The following AUTS2 variants were observed in gnomAD, a reference collection of about 807,000 sequenced individuals.
AUTS2 encodes autism susceptibility gene 2 protein.
In AUTS2, 17 loss-of-function variants were observed where a neutral mutation model predicts 112.4. The observed-to-expected ratio is 0.15, with a 90% CI of 0.10 to 0.23. The LOEUF is 0.23. AUTS2 is among the 10% of genes least tolerant of loss of function. The probability of loss-of-function intolerance (pLI) is 1.00; values close to 1 mark genes in which losing one functional copy is unlikely to be tolerated. For synonymous variants in AUTS2, 751 were observed against 702.7 expected (o/e 1.07, Z -1.09); for missense variants, 1,510 against 1,701.6 (o/e 0.89, Z 1.98).
intron 6 of AUTS2, among the ~76,000 whole-genome samples, chr7:70,706,883 T>C (rs1223754434): frequency 1.3e-5 from 2 of 152,230 alleles, no homozygotes; most frequent in Non-Finnish European, 2.9e-5. Flanking sequence ...TGCAAAGTAG[T>C]ATGCGTTGTC....
intron 4 of AUTS2, among the ~76,000 whole-genome samples, chr7:70,398,822 A>G (rs1794198626): frequency 6.6e-6 from 1 of 152,116 alleles, no homozygotes; most frequent in Non-Finnish European, 1.5e-5. Context: ...CACCATAAGT[A>G]TGATGTTTCC....
chr7:70,003,199 A>T (rs1220271893), intron 2 of AUTS2, among the ~76,000 whole-genome samples: 1 of 135,432 alleles, frequency 7.4e-6, no homozygotes, highest in Non-Finnish European at 1.5e-5. Context: ...ATATGAATAT[A>T]TTATATATGA....
rs150262306 is a variant in AUTS2, at chr7:69,966,712, C to T, written c.522+67214C>T. On this transcript the variant is annotated intron_variant, in intron 2 of 18. Coordinates refer to ENST00000342771, the MANE Select transcript of AUTS2 (RefSeq NM_015570.4). Reference sequence around the variant, plus strand: ...TGAGCGTGGCAGTGCCTGGGTGTCTCACATCCATGTATGCTCAAACCATGC... The same window carrying T: ...TGAGCGTGGCAGTGCCTGGGTGTCTTACATCCATGTATGCTCAAACCATGC... 5.9e-5 allele frequency among the ~76,000 whole-genome samples: 9 copies of T among 152,254 alleles called. No homozygotes were observed. The East Asian group carries it at 1.7e-3, about 29-fold the overall frequency.
intron 1 of AUTS2, among the ~76,000 whole-genome samples, chr7:69,870,657 C>G (rs780194371): frequency 1.3e-5 from 2 of 151,764 alleles, no homozygotes; most frequent in Admixed American, 6.6e-5. Context: ...CTTTACTACA[C>G]GACAGGTTAA....
chr7:69,618,628 G>A (rs953820246), intron 1 of AUTS2, among the ~76,000 whole-genome samples: 5 of 152,118 alleles, frequency 3.3e-5, no homozygotes, highest in Non-Finnish European at 5.9e-5. Flanking sequence ...TTGAGGACCA[G>A]TACACTATGT....
intron 2 of AUTS2, among the ~76,000 whole-genome samples, chr7:70,042,240 A>G (rs1193585076): frequency 6.8e-6 from 1 of 147,470 alleles, no homozygotes; most frequent in Non-Finnish European, 1.5e-5. Flanking sequence ...CTTGAACAGC[A>G]TTATTTCTTG....
At chr7:70,282,625 G>T (rs150837525) in intron 4 of AUTS2, among the ~76,000 whole-genome samples, 45 of 152,196 alleles carry the variant, frequency 3.0e-4, no homozygotes, top group African/African-American at 1.0e-3. Context: ...CCATCACCTT[G>T]GTAGTTAGGA....
At chr7:70,486,897 T>TCC (rs35760947) in intron 5 of AUTS2, among the ~76,000 whole-genome samples, 1,588 of 100,422 alleles carry the variant, frequency 0.016, 39 homozygotes, top group African/African-American at 0.042. Context: ...GTTTTTGTAT[T>TCC]CCCCCCCCCC....
intron 18 of AUTS2, among the ~76,000 whole-genome samples, chr7:70,788,437 A>C (rs1791660984): frequency 6.6e-6 from 1 of 152,220 alleles, no homozygotes; most frequent in Admixed American, 6.5e-5. Flanking sequence ...TCAAGGCAGT[A>C]TGATAACAAT....
intron 5 of AUTS2, among the ~76,000 whole-genome samples, chr7:70,514,946 C>T (rs946204537): frequency 6.6e-6 from 1 of 152,094 alleles, no homozygotes; most frequent in Admixed American, 6.5e-5. Flanking sequence ...AACATAATAT[C>T]CTTTGTCCAT....
rs372696006 is a variant in AUTS2 at position 70,444,373 on chromosome 7, T to TGTGTGTGTGTGAGAGA, written c.690+8593_690+8594insTGTGTGTGTGAGAGAG. Among the ~76,000 whole-genome samples the TGTGTGTGTGTGAGAGA allele has an allele frequency of 1.1e-4, 15 of 142,508 alleles. 1 individual carries two copies. The highest frequency in any genetic ancestry group is 3.5e-4 in the African/African-American group (13 of 37,224). 93.5% of individuals were successfully genotyped at this position (142,508 alleles called of 152,430 possible). A position where few individuals can be genotyped will look rare whatever the true frequency, so the allele number is the denominator to read the frequency against. ...GTGTGTGTGTGTGTGTGTGTGTGTG[T>TGTGTGTGTGTGAGAGA]GAGAGAGAGAGAGAGAGAGAAAGAG... is the stretch of plus-strand genomic sequence containing the variant. On this transcript the variant is annotated intron_variant, in intron 5 of 18. Transcript: ENST00000342771.
intron 1 of AUTS2, among the ~76,000 whole-genome samples, chr7:69,714,053 A>G (rs1798463151): frequency 1.3e-5 from 2 of 151,490 alleles, no homozygotes; most frequent in South Asian, 2.1e-4. Flanking sequence ...TAATTTTTGT[A>G]TATGGATTGA....
chr7:70,426,366 G>T (rs1795438445), intron 4 of AUTS2, among the ~76,000 whole-genome samples: 1 of 152,178 alleles, frequency 6.6e-6, no homozygotes, highest in African/African-American at 2.4e-5. Flanking sequence ...TCTAAACGAG[G>T]ACGGTTGCTC....
Position 69,997,847 on chromosome 7 carries a change from G to A in AUTS2, c.522+98349G>A, listed in dbSNP as rs75763755. ...TTGGAGAGGACAAAACATCCAAATC[G>A]TATTACCTGCAGGTTGACATTATAA... is the stretch of plus-strand genomic sequence containing the variant. On this transcript the variant is annotated intron_variant, in intron 2 of 18. Transcript: ENST00000342771. Among the ~76,000 whole-genome samples the A allele has an allele frequency of 5.1e-3, 772 of 152,236 alleles. 13 individuals are homozygous for A. The highest frequency in any genetic ancestry group is 0.017 in the African/African-American group (720 of 41,532).
chr7:70,118,111 T>A, intron 2 of AUTS2, 21 bp from the exon 3 acceptor site: 1 of 1,572,682 alleles, frequency 6.4e-7, no homozygotes, highest in South Asian at 1.2e-5. Context: ...TTTCCTTTTT[T>A]CTCTTTTCTT....
At chr7:69,907,778 G>A (rs1795205078) in intron 2 of AUTS2, among the ~76,000 whole-genome samples, 1 of 152,184 alleles carries the variant, frequency 6.6e-6, no homozygotes, top group Admixed American at 6.5e-5. Context: ...GGCAGTTGGA[G>A]CCCAGAGGCA....
At chr7:70,595,752 C>G (rs1284269599) in intron 5 of AUTS2, among the ~76,000 whole-genome samples, 1 of 152,214 alleles carries the variant, frequency 6.6e-6, no homozygotes, top group Non-Finnish European at 1.5e-5. Context: ...AGCCCATTGT[C>G]AACTGGAAGA....
intron 1 of AUTS2, among the ~76,000 whole-genome samples, chr7:69,601,282 CT>C (rs1012467333): frequency 4.6e-5 from 7 of 151,822 alleles, no homozygotes; most frequent in Admixed American, 1.3e-4. Context: ...CTGAAGGAAA[CT>C]TTTCCCTTTC....
intron 1 of AUTS2, among the ~76,000 whole-genome samples, chr7:69,847,093 TC>T (rs1026440276): frequency 2.0e-5 from 3 of 152,196 alleles, no homozygotes; most frequent in African/African-American, 7.2e-5. Flanking sequence ...TTTTCCCCTC[TC>T]CCCTACCCCC....
Sources: gnomAD v4.1 joint callset for allele counts (sites outside exome capture counted in the v4.1 genomes callset) on GRCh38, gnomAD v4.1.1 for gene constraint, MANE v1.5 for transcripts, NCBI Gene and HGNC (gene_info 2026-07-23, HGNC 2026-07-21) for gene names.